The following RTF1 variants were observed in gnomAD, a reference collection of about 807,000 sequenced individuals.
The protein encoded by RTF1 is RNA polymerase-associated protein RTF1 homolog.
Under a neutral mutation model 95.7 loss-of-function variants are expected in RTF1, and 10 were observed. That is an observed-to-expected ratio of 0.10 (90% CI 0.06 to 0.18). The LOEUF (loss-of-function observed/expected upper bound fraction) is 0.18. Among genes scored for constraint, RTF1 ranks in the 10% least tolerant of loss-of-function variants. The pLI is 1.00. For synonymous variants in RTF1, 305 were observed against 311.8 expected, an observed-to-expected ratio of 0.98 and a Z score of 0.23; for missense variants, 458 against 875.6, an observed-to-expected ratio of 0.52 and a Z score of 6.02.
At chr15:41,424,748 C>T (rs1304006767) in intron 1 of RTF1, among the ~76,000 whole-genome samples, 4 of 152,170 alleles carry the variant, frequency 2.6e-5, no homozygotes, top group Non-Finnish European at 4.4e-5. Flanking sequence ...CAGTGGCTCA[C>T]GCCTTTAATC....
At chr15:41,443,634 C>T (rs993704719) in intron 2 of RTF1, among the ~76,000 whole-genome samples, 3 of 151,356 alleles carry the variant, frequency 2.0e-5, no homozygotes, top group Non-Finnish European at 4.4e-5. Flanking sequence ...GGTGTGGTGG[C>T]TCACACCTAT....
At position 41,480,586 on chromosome 15, in the gene RTF1, A is replaced by G. The variant is rs1337207611; in HGVS notation, c.2032A>G (p.Lys678Glu). The change falls in exon 18 of 18, where the codon AAG (lysine) becomes GAG (glutamate). Residue 678 changes from lysine to glutamate, a missense_variant. By Grantham distance (56) the Lys-to-Glu change is moderately conservative (BLOSUM62 1). Transcript: ENST00000389629. ...IDLQVPSSES[K>E]ALAITSKAPP... ...CTTGCTCTTCTTTCCCACAGAGTCAAAGGCTTTAGCCATCACCTCCAAGGC... is the reference window on the plus strand; with the variant it reads ...CTTGCTCTTCTTTCCCACAGAGTCAGAGGCTTTAGCCATCACCTCCAAGGC... 4 of 1,613,246 alleles carry G rather than the reference A, an allele frequency of 2.5e-6. No homozygotes were observed. The highest frequency in any genetic ancestry group is 2.2e-5 in the South Asian group (2 of 91,070).
In RTF1 at chr15:41,475,802, GA is replaced by G; in HGVS notation, c.1466del (p.Asp489ValfsTer8). On this transcript the variant is annotated frameshift_variant, in exon 11 of 18. Transcript: ENST00000389629. LOFTEE classifies it high-confidence loss of function. ...IKEALNYKFN[D>X]QDIEEIVKEK... ...AGAAGCTCTTAATTATAAATTCAATGATCAGGACATTGAAGAGGTAAGAAAA... is the reference window on the plus strand; with the variant it reads ...AGAAGCTCTTAATTATAAATTCAATGTCAGGACATTGAAGAGGTAAGAAAA... The G allele has an allele frequency of 6.3e-7, 1 of 1,580,858 alleles. No individual in the cohort carries two copies. The highest frequency in any genetic ancestry group is 8.7e-7 in the Non-Finnish European group (1 of 1,153,160).
chr15:41,449,433 G>A (rs1201596804), intron 2 of RTF1, among the ~76,000 whole-genome samples: 1 of 152,010 alleles, frequency 6.6e-6, no homozygotes, highest in South Asian at 2.1e-4. Flanking sequence ...GGGTTTCACC[G>A]TGTTAGCCAG....
At chr15:41,434,516 G>A (rs899099421) in intron 1 of RTF1, among the ~76,000 whole-genome samples, 8 of 152,110 alleles carry the variant, frequency 5.3e-5, no homozygotes, top group African/African-American at 1.9e-4. Context: ...GCCAGGGAAT[G>A]GGAGAAGGGA....
Position 41,470,378 on chromosome 15 carries a change from T to C in RTF1, c.1011T>C (p.Ser337=), listed in dbSNP as rs963164928. The change falls in exon 7 of 18, where the codon TCT becomes TCC. Residue 337 remains serine (S), a synonymous_variant. Transcript: ENST00000389629. The stretch of plus-strand genomic sequence containing the variant: ...ACCGCTCATCACGAACATCATCGTC[T>C]GATGAAGAAGAGGAGTAAGCTCTTG... The part of the protein sequence containing the change: ...KSDRSSRTSS[S]DEEEEKEEIP... 3.1e-6 allele frequency: 5 copies of C among 1,614,004 alleles called. No homozygotes were observed. The African/African-American group carries it at 6.7e-5, about 22-fold the overall frequency.
chr15:41,424,165 G>C (rs192115081), intron 1 of RTF1, among the ~76,000 whole-genome samples: 1 of 152,218 alleles, frequency 6.6e-6, no homozygotes, highest in Non-Finnish European at 1.5e-5. Flanking sequence ...GAATGAGAGA[G>C]AGATGAGGTG....
chr15:41,431,715 T>G (rs187856023), intron 1 of RTF1, among the ~76,000 whole-genome samples: 1 of 152,124 alleles, frequency 6.6e-6, no homozygotes, highest in African/African-American at 2.4e-5. Context: ...CCCAGACTGG[T>G]CTCGAATTCC....
intron 2 of RTF1, among the ~76,000 whole-genome samples, chr15:41,441,645 T>TA (rs1184648408): frequency 2.6e-5 from 4 of 152,172 alleles, no homozygotes; most frequent in Non-Finnish European, 4.4e-5. Context: ...CTTAATGAAG[T>TA]AAAAAACTGC....
intron 12 of RTF1, 53 bp from the exon 13 acceptor site, chr15:41,477,112 T>G (rs148796429): frequency 1.9e-5 from 31 of 1,611,780 alleles, no homozygotes; most frequent in Non-Finnish European, 2.6e-5. Flanking sequence ...ATACTTGATA[T>G]GGAGTCAGTT....
chr15:41,446,325 C>T (rs1309669679), intron 2 of RTF1, among the ~76,000 whole-genome samples: 2 of 152,078 alleles, frequency 1.3e-5, no homozygotes, highest in Admixed American at 1.3e-4. Flanking sequence ...AATCCCAACA[C>T]TTTGGGAGGT....
At chr15:41,435,345 T>G (rs1293970693) in intron 1 of RTF1, among the ~76,000 whole-genome samples, 1 of 151,828 alleles carries the variant, frequency 6.6e-6, no homozygotes, top group Non-Finnish European at 1.5e-5. Context: ...AAAATATATA[T>G]AAATTATACC....
chr15:41,423,104 A>G (rs2050610951), intron 1 of RTF1, among the ~76,000 whole-genome samples: 1 of 152,086 alleles, frequency 6.6e-6, no homozygotes, highest in African/African-American at 2.4e-5. Context: ...AGCTGTTTTT[A>G]GATACTACAT....
rs184710843 is a variant in RTF1, at chr15:41,421,138, A to C, written c.198+3825A>C. On this transcript the variant is annotated intron_variant, in intron 1 of 17. Coordinates refer to ENST00000389629, the MANE Select transcript of RTF1 (RefSeq NM_015138.5). Reference sequence around the variant, plus strand: ...GGTGTTTGAGATCAGCGTAGGCAACAAAGTGAGACCTCATCTGTACAAAGA... The same window carrying C: ...GGTGTTTGAGATCAGCGTAGGCAACCAAGTGAGACCTCATCTGTACAAAGA... Among the ~76,000 whole-genome samples, 517 of 152,182 alleles carry C rather than the reference A, an allele frequency of 3.4e-3. 4 individuals are homozygous for C. The highest frequency in any genetic ancestry group is 0.012 in the African/African-American group (500 of 41,516).
In RTF1 at chr15:41,482,942, T is replaced by A. The variant is rs1223540218; in HGVS notation, c.*2255T>A. 6.6e-6 allele frequency: 1 copy of A among 152,616 alleles called. No homozygotes were observed. Among genetic ancestry groups the A allele is most frequent in the Non-Finnish European group, 1.5e-5 (1 of 68,038 alleles). The allele number at this position is 152,616 out of a possible 1,614,324, so 9.5% of individuals were successfully genotyped here. ...CATTTGGATTTGGAGAAGTGTTGAT[T>A]ACATTATGGCTGTGTAATAAAATTT... On this transcript the variant is annotated 3_prime_UTR_variant, in exon 18 of 18. Transcript: ENST00000389629.
intron 4 of RTF1, among the ~76,000 whole-genome samples, chr15:41,464,211 C>G (rs1030129375): frequency 6.6e-6 from 1 of 150,506 alleles, no homozygotes; most frequent in African/African-American, 2.4e-5. Context: ...GCTAGAGTGG[C>G]GCAGATGAGT....
In RTF1 at chr15:41,450,002, C is replaced by T. The variant is rs116979607; in HGVS notation, c.310-2899C>T. On this transcript the variant is annotated intron_variant, in intron 2 of 17. Transcript: ENST00000389629. The stretch of plus-strand genomic sequence containing the variant: ...CTTGAACTTAGGAGTTTGAGACTAG[C>T]CTTGGTAACATAGTGAGACCTCCTC... Among the ~76,000 whole-genome samples the T allele has an allele frequency of 6.6e-5, 10 of 151,960 alleles. No homozygotes were observed. The East Asian group carries it at 1.9e-3, about 29-fold the overall frequency.
chr15:41,470,536 G>A (rs975688531), intron 7 of RTF1, 144 bp downstream of exon 7: 27 of 817,230 alleles, frequency 3.3e-5, no homozygotes, highest in African/African-American at 1.2e-4. Context: ...TCCCCAGCAC[G>A]TCAGCCCATT....
At position 41,475,507 on chromosome 15, in the gene RTF1, T is replaced by C. The variant is rs2050937838; in HGVS notation, c.1287-18T>C. Reference sequence around the variant, plus strand: ...CAACATGCACATTTCTTGGAGATGCTGTCTCTCTTTTATGTAGGCATGGCA... The same window carrying C: ...CAACATGCACATTTCTTGGAGATGCCGTCTCTCTTTTATGTAGGCATGGCA... On this transcript the variant is annotated intron_variant, in intron 9 of 17. Coordinates refer to ENST00000389629, the MANE Select transcript of RTF1 (RefSeq NM_015138.5). 1.9e-6 allele frequency: 3 copies of C among 1,608,056 alleles called. No homozygotes were observed. Among genetic ancestry groups the C allele is most frequent in the Non-Finnish European group, 2.6e-6 (3 of 1,174,524 alleles).
Sources: gnomAD v4.1 joint callset for allele counts (sites outside exome capture counted in the v4.1 genomes callset) on GRCh38, gnomAD v4.1.1 for gene constraint, MANE v1.5 for transcripts, NCBI Gene and HGNC (gene_info 2026-07-23, HGNC 2026-07-21) for gene names.